The following KLF17 variants were observed in gnomAD, a reference collection of about 807,000 sequenced individuals.
The protein encoded by KLF17 is Krueppel-like factor 17.
A neutral mutation model predicts 34.2 loss-of-function variants in KLF17; 31 were observed. The ratio of observed to expected loss-of-function variants is 0.91; its 90% CI spans 0.68 to 1.22. The LOEUF (loss-of-function observed/expected upper bound fraction) is 1.22, where lower values mean the gene tolerates loss of function less well. Among genes scored for constraint, KLF17 ranks in the 50% most tolerant of loss-of-function variants. The probability of loss-of-function intolerance (pLI) is 0.00; values close to 1 mark genes in which losing one functional copy is unlikely to be tolerated. For missense variants in KLF17, 478 were observed against 505.2 expected, an observed-to-expected ratio of 0.95 and a Z score of 0.52; for synonymous variants, 179 against 186.7, an observed-to-expected ratio of 0.96 and a Z score of 0.34.
the KLF17 span, among the ~76,000 whole-genome samples, chr1:44,046,528 TACACACACACTCACACAC>T: frequency 1.2e-5 from 1 of 85,046 alleles, no homozygotes; most frequent in Non-Finnish European, 2.4e-5. Flanking sequence ...ACCTAAGCAC[TACACACACACTCACACAC>T]ACACACACAC....
the KLF17 span, among the ~76,000 whole-genome samples, chr1:44,061,694 G>A: frequency 6.6e-6 from 1 of 152,212 alleles, no homozygotes; most frequent in East Asian, 1.9e-4. Flanking sequence ...CAGGTGGGCG[G>A]ATCACTTGAG....
chr1:44,054,190 C>T, the KLF17 span, among the ~76,000 whole-genome samples: 1 of 152,160 alleles, frequency 6.6e-6, no homozygotes, highest in Non-Finnish European at 1.5e-5. Flanking sequence ...CATTTTATCA[C>T]TCAATCTGCC....
the KLF17 span, among the ~76,000 whole-genome samples, chr1:44,075,657 T>G: frequency 3.6e-4 from 55 of 152,330 alleles, no homozygotes; most frequent in African/African-American, 1.2e-3. Flanking sequence ...GAATCCTATT[T>G]TGTTCAAGGT....
intron 1 of KLF17, among the ~76,000 whole-genome samples, chr1:44,127,708 CTTTCTTCT>C: frequency 1.0e-5 from 1 of 96,646 alleles, no homozygotes; most frequent in South Asian, 3.1e-4. Context: ...TTCTTTCTTT[CTTTCTTCT>C]CTTTTCTTTC....
In KLF17 at chr1:44,130,139, T is replaced by C. The variant is rs1334424511; in HGVS notation, c.868T>C (p.Cys290Arg). 6.2e-7 allele frequency: 1 copy of C among 1,614,168 alleles called. No homozygotes were observed. The highest frequency in any genetic ancestry group is 1.1e-5 in the South Asian group (1 of 91,088). The change falls in exon 2 of 4, where the codon TGC becomes CGC. Residue 290 changes from cysteine to arginine, a missense_variant. Physicochemically the swap from Cys to Arg is radical, Grantham distance 180 (BLOSUM62 -3). Transcript: ENST00000372299. ...ARPYCCNYEN[C>R]GKAYTKRSHL... is the part of the protein sequence containing the mutation. ...GCCTTACTGCTGCAACTACGAGAAC[T>C]GCGGAAAAGCTTATACCAAACGCTC...
chr1:44,053,898 C>T, the KLF17 span, among the ~76,000 whole-genome samples: 3 of 152,174 alleles, frequency 2.0e-5, no homozygotes, highest in Non-Finnish European at 4.4e-5. Context: ...GCCACCCAAC[C>T]CAGGCCATGC....
upstream of KLF17, chr1:44,115,444 CTG>C (rs1353860319): frequency 1.1e-5 from 1 of 93,684 alleles, no homozygotes; most frequent in African/African-American, 4.6e-5. Context: ...GAGCGAGACT[CTG>C]TGTCAAAAAA....
the KLF17 span, among the ~76,000 whole-genome samples, chr1:44,087,724 T>TTTTA: frequency 7.9e-5 from 6 of 75,640 alleles, no homozygotes; most frequent in Admixed American, 1.6e-4. Context: ...CCTATATATT[T>TTTTA]TATATATATA....
chr1:44,118,037 A>T (rs1194733147), upstream of KLF17, among the ~76,000 whole-genome samples: 2 of 152,062 alleles, frequency 1.3e-5, no homozygotes, highest in Admixed American at 6.5e-5. Flanking sequence ...CCTTGCCTTC[A>T]ATTTCCTTCT....
chr1:44,127,638 C>CTTTCTTT lies in KLF17; in HGVS notation c.82-1715_82-1714insTTTCTTT, dbSNP rs1557731745. Among the ~76,000 whole-genome samples, 6 of 59,508 alleles carry CTTTCTTT rather than the reference C, an allele frequency of 1.0e-4. 1 individual carries two copies. The South Asian group carries it at 3.9e-3, about 39-fold the overall frequency. 39.0% of individuals were successfully genotyped at this position (59,508 alleles called of 152,430 possible). On this transcript the variant is annotated intron_variant, in intron 1 of 3. Transcript: ENST00000372299. Reference sequence around the variant, plus strand: ...TCTTTTCTTTTCTTTTCTTTTCTTTCCTTCTTTCTTTCTTTCTTTCTTTCT... The same window carrying CTTTCTTT: ...TCTTTTCTTTTCTTTTCTTTTCTTTCTTTCTTTCTTCTTTCTTTCTTTCTTTCTTTCT...
At chr1:44,088,944 AG>A in the KLF17 span, among the ~76,000 whole-genome samples, 1 of 152,186 alleles carries the variant, frequency 6.6e-6, no homozygotes, top group African/African-American at 2.4e-5. Context: ...TGGCTGACTT[AG>A]TGGATAAAAA....
At chr1:44,121,315 A>G (rs112077415) in intron 1 of KLF17, among the ~76,000 whole-genome samples, 2,986 of 152,102 alleles carry the variant, frequency 0.02, 35 homozygotes, top group African/African-American at 0.033. Context: ...GGATTTTGCT[A>G]TGTTTGTCAG....
chr1:44,090,956 G>A, the KLF17 span, among the ~76,000 whole-genome samples: 236 of 127,238 alleles, frequency 1.9e-3, no homozygotes, highest in Non-Finnish European at 3.1e-3. Context: ...ACACACGCAC[G>A]CATGCACACA....
At chr1:44,045,587 C>T in the KLF17 span, among the ~76,000 whole-genome samples, 15 of 152,244 alleles carry the variant, frequency 9.9e-5, no homozygotes, top group African/African-American at 3.6e-4. Flanking sequence ...ACTATTTACA[C>T]CCTGGAATTT....
chr1:44,124,524 T>G, intron 1 of KLF17, among the ~76,000 whole-genome samples: 1 of 129,576 alleles, frequency 7.7e-6, no homozygotes, highest in Non-Finnish European at 1.6e-5. Context: ...TGAGATGGAG[T>G]CTCACTGTCG....
chr1:44,058,256 C>A, the KLF17 span, among the ~76,000 whole-genome samples: 1 of 152,122 alleles, frequency 6.6e-6, no homozygotes, highest in South Asian at 2.1e-4. Context: ...ACCTCAGAGG[C>A]CTGGGTTTCT....
chr1:44,087,281 G>T, the KLF17 span, among the ~76,000 whole-genome samples: 2 of 151,956 alleles, frequency 1.3e-5, no homozygotes, highest in South Asian at 2.1e-4. Flanking sequence ...TTGAGATAAG[G>T]TCTTGCTCTG....
At chr1:44,063,276 T>A in the KLF17 span, among the ~76,000 whole-genome samples, 4 of 152,108 alleles carry the variant, frequency 2.6e-5, no homozygotes, top group Admixed American at 6.6e-5. Context: ...TCCTCTGAAG[T>A]GTTGGAATTG....
chr1:44,128,697 T>C (rs548574187), intron 1 of KLF17, among the ~76,000 whole-genome samples: 29 of 152,292 alleles, frequency 1.9e-4, no homozygotes, highest in Non-Finnish European at 2.6e-4. Flanking sequence ...GGGATGTTCT[T>C]TCACTTTCAC....
Sources: gnomAD v4.1 joint callset for allele counts (sites outside exome capture counted in the v4.1 genomes callset) on GRCh38, gnomAD v4.1.1 for gene constraint, MANE v1.5 for transcripts, NCBI Gene and HGNC (gene_info 2026-07-23, HGNC 2026-07-21) for gene names.